The following MTPN variants were observed in gnomAD, a reference collection of about 807,000 sequenced individuals.
MTPN encodes granule cell differentiation protein.
MTPN carries 2 observed loss-of-function variants against 13.5 expected under a neutral mutation model. The observed-to-expected ratio is 0.15, with a 90% CI of 0.06 to 0.47. The LOEUF (loss-of-function observed/expected upper bound fraction) is 0.47, where lower values mean the gene tolerates loss of function less well. MTPN is among the 20% of genes least tolerant of loss of function. MTPN has a pLI of 0.97. For synonymous variants in MTPN, 46 were observed against 51.7 expected, an observed-to-expected ratio of 0.89 and a Z score of 0.48; for missense variants, 79 against 137.9, an observed-to-expected ratio of 0.57 and a Z score of 2.14.
intron 1 of MTPN, among the ~76,000 whole-genome samples, chr7:135,958,836 C>T (rs62489149): frequency 0.11 from 17,064 of 152,142 alleles, 1,207 homozygotes; most frequent in East Asian, 0.16. Flanking sequence ...TCATCCTTCC[C>T]CATCATTCCC....
intron 3 of MTPN, among the ~76,000 whole-genome samples, chr7:135,937,531 A>G (rs979659141): frequency 1.3e-5 from 2 of 152,198 alleles, no homozygotes; most frequent in Admixed American, 6.5e-5. Context: ...AAAATGGCTT[A>G]GGATTTGCAT....
At chr7:135,965,415 A>T (rs1029913612) in intron 1 of MTPN, among the ~76,000 whole-genome samples, 3 of 152,138 alleles carry the variant, frequency 2.0e-5, no homozygotes, top group Non-Finnish European at 4.4e-5. Context: ...TCTCTTATAG[A>T]GAACTTCAAA....
intron 3 of MTPN, among the ~76,000 whole-genome samples, chr7:135,950,219 A>AT (rs1799344786): frequency 6.6e-6 from 1 of 152,196 alleles, no homozygotes; most frequent in South Asian, 2.1e-4. Flanking sequence ...CAGAAAATGA[A>AT]ACATATACAT....
chr7:135,946,562 AATGTTAC>A (rs1186929065), intron 3 of MTPN, among the ~76,000 whole-genome samples: 2 of 152,188 alleles, frequency 1.3e-5, no homozygotes, highest in African/African-American at 4.8e-5. Flanking sequence ...TGTCTATGGC[AATGTTAC>A]ATCAGTGACC....
At chr7:135,948,914 G>C (rs1294834367) in intron 3 of MTPN, among the ~76,000 whole-genome samples, 2 of 152,028 alleles carry the variant, frequency 1.3e-5, no homozygotes, top group East Asian at 3.9e-4. Flanking sequence ...CCTTGGCTGG[G>C]TAAAAAAAAG....
chr7:135,965,559 G>A (rs1248319092), intron 1 of MTPN, among the ~76,000 whole-genome samples: 1 of 152,082 alleles, frequency 6.6e-6, no homozygotes, highest in Non-Finnish European at 1.5e-5. Context: ...AAGTACTGAT[G>A]ATTCTTATTT....
intron 3 of MTPN, among the ~76,000 whole-genome samples, chr7:135,935,430 T>C (rs1799100878): frequency 6.6e-6 from 1 of 152,020 alleles, no homozygotes; most frequent in Non-Finnish European, 1.5e-5. Context: ...TTAGTAGAGA[T>C]AGGGTTTCAC....
In MTPN at chr7:135,927,446, T is replaced by A. The variant is rs1465589189; in HGVS notation, c.*2480A>T. The A allele has an allele frequency of 6.5e-7, 1 of 1,531,960 alleles. No individual in the cohort carries two copies. Among genetic ancestry groups the A allele is most frequent in the Non-Finnish European group, 8.8e-7 (1 of 1,138,638 alleles). 94.9% of individuals were successfully genotyped at this position (1,531,960 alleles called of 1,614,324 possible). ...ATATAGTGCATATGAAATGACTGAT[T>A]TAATACAAAACTACAGAACATGCAA... On this transcript the variant is annotated 3_prime_UTR_variant, in exon 4 of 4. Coordinates refer to ENST00000393085, the MANE Select transcript of MTPN (RefSeq NM_145808.4).
At position 135,953,846 on chromosome 7, in the gene MTPN, T is replaced by A. The variant is rs1799400627; in HGVS notation, c.73-2216A>T. On this transcript the variant is annotated intron_variant, in intron 1 of 3. Coordinates refer to ENST00000393085, the MANE Select transcript of MTPN (RefSeq NM_145808.4). ...TAAAACAATCTAAGTTAAGACTACT[T>A]CAATAATTCAAAGCAATAATTTCTA... 2.0e-5 allele frequency among the ~76,000 whole-genome samples: 3 copies of A among 152,314 alleles called. No individual in the cohort carries two copies. In the South Asian group the frequency reaches 6.2e-4, roughly 32 times the overall value.
chr7:135,932,474 GTA>G (rs1799038432), intron 3 of MTPN: 1 of 152,006 alleles, frequency 6.6e-6, no homozygotes, highest in African/African-American at 2.4e-5. Flanking sequence ...TTTTTAAAAT[GTA>G]TATGTCACCT....
intron 3 of MTPN, among the ~76,000 whole-genome samples, chr7:135,931,698 G>C (rs997031010): frequency 6.6e-6 from 1 of 152,092 alleles, no homozygotes; most frequent in Non-Finnish European, 1.5e-5. Flanking sequence ...CTATAATTCT[G>C]CATTAACAGT....
intron 3 of MTPN, chr7:135,932,146 A>T (rs867248111): frequency 4.6e-5 from 7 of 152,126 alleles, no homozygotes; most frequent in African/African-American, 1.7e-4. Context: ...GGGATTATAA[A>T]ACCGAGATGC....
At chr7:135,974,949 A>G (rs1467320989) in intron 1 of MTPN, among the ~76,000 whole-genome samples, 2 of 152,216 alleles carry the variant, frequency 1.3e-5, no homozygotes, top group African/African-American at 2.4e-5. Flanking sequence ...ACTTTATGAA[A>G]TCTTCAAAAC....
Position 135,927,247 on chromosome 7 carries a change from C to A in MTPN, c.*2679G>T. 1 of 1,506,442 alleles carries A rather than the reference C, an allele frequency of 6.6e-7. No individual in the cohort carries two copies. The allele number at this position is 1,506,442 out of a possible 1,614,324, so 93.3% of individuals were successfully genotyped here. A position where few individuals can be genotyped will look rare whatever the true frequency, so the allele number is the denominator to read the frequency against. ...AGCTTCCACACACTGCACCTACCTA[C>A]TACCTCTCTTCCATGCTTAACTGGG... On this transcript the variant is annotated 3_prime_UTR_variant, in exon 4 of 4. Transcript: ENST00000393085.
chr7:135,939,571 G>GGGGGC (rs1409490006), intron 3 of MTPN, among the ~76,000 whole-genome samples: 1 of 61,394 alleles, frequency 1.6e-5, no homozygotes, highest in Non-Finnish European at 3.7e-5. Context: ...TGGGGAAAAT[G>GGGGGC]GGGGCGGGGG....
At chr7:135,966,738 T>C (rs998540729) in intron 1 of MTPN, among the ~76,000 whole-genome samples, 2 of 152,188 alleles carry the variant, frequency 1.3e-5, no homozygotes, top group African/African-American at 4.8e-5. Flanking sequence ...ACGCATCCAA[T>C]TAGTCATGTT....
intron 3 of MTPN, among the ~76,000 whole-genome samples, chr7:135,940,066 A>G (rs1379696101): frequency 1.3e-5 from 2 of 152,226 alleles, no homozygotes; most frequent in Non-Finnish European, 2.9e-5. Context: ...ATTTATATGC[A>G]TTTTAGAACA....
At chr7:135,945,971 A>T (rs1027724026) in intron 3 of MTPN, among the ~76,000 whole-genome samples, 2 of 152,200 alleles carry the variant, frequency 1.3e-5, no homozygotes, top group African/African-American at 2.4e-5. Context: ...AGAAATAATA[A>T]TAATAAAATA....
Position 135,929,970 on chromosome 7 carries a change from A to C in MTPN, c.313T>G (p.Phe105Val). The C allele has an allele frequency of 6.2e-7, 1 of 1,604,944 alleles. No homozygotes were observed. The highest frequency in any genetic ancestry group is 8.5e-7 in the Non-Finnish European group (1 of 1,174,264). ...ATTGCCTGGTTGTCAGTGGCTTCAA[A>C]GGCGGTCAGTCCATCTGGGCCTTTC... ...TVKGPDGLTAFEATDNQAIKA... is the reference protein window; with the variant it reads ...TVKGPDGLTAVEATDNQAIKA... Residue 105 changes from phenylalanine to valine, a missense_variant, in exon 4 of 4, where the codon TTT becomes GTT. Physicochemically the swap from Phe to Val is conservative, Grantham distance 50. Coordinates refer to ENST00000393085, the MANE Select transcript of MTPN (RefSeq NM_145808.4).
Sources: gnomAD v4.1 joint callset for allele counts (sites outside exome capture counted in the v4.1 genomes callset) on GRCh38, gnomAD v4.1.1 for gene constraint, MANE v1.5 for transcripts, NCBI Gene and HGNC (gene_info 2026-07-23, HGNC 2026-07-21) for gene names.